The following PDE1C variants were observed in gnomAD, a reference collection of about 807,000 sequenced individuals.
PDE1C encodes phosphodiesterase 1C.
A neutral mutation model predicts 93.1 loss-of-function variants in PDE1C; 62 were observed. The ratio of observed to expected loss-of-function variants is 0.67; its 90% CI spans 0.54 to 0.82. The LOEUF (loss-of-function observed/expected upper bound fraction) is 0.82, where lower values mean the gene tolerates loss of function less well. PDE1C is among the 40% of genes least tolerant of loss of function. The pLI is 0.00. For missense variants in PDE1C, 742 were observed against 884.6 expected (o/e 0.84, Z 2.04); for synonymous variants, 325 against 310.1 (o/e 1.05, Z -0.50).
At chr7:31,640,351 A>G in the PDE1C span, among the ~76,000 whole-genome samples, 2 of 152,122 alleles carry the variant, frequency 1.3e-5, no homozygotes, top group Non-Finnish European at 2.9e-5. Context: ...TGAGCTCATC[A>G]GTACTCAGCT....
chr7:31,768,023 G>T (rs1301422797), intron 17 of PDE1C, among the ~76,000 whole-genome samples: 1 of 152,200 alleles, frequency 6.6e-6, no homozygotes, highest in Non-Finnish European at 1.5e-5. Flanking sequence ...GAAGGTTTTA[G>T]CAAAAGCCTC....
intron 1 of PDE1C, among the ~76,000 whole-genome samples, chr7:32,056,617 G>A (rs971272253): frequency 3.3e-5 from 5 of 152,094 alleles, no homozygotes; most frequent in African/African-American, 1.2e-4. Flanking sequence ...TGATGTGAGA[G>A]TTAAATGTAA....
chr7:32,403,219 C>T lies in PDE1C; in HGVS notation c.310+24603G>A, dbSNP rs114337779. Among the ~76,000 whole-genome samples the T allele has an allele frequency of 2.2e-3, 339 of 152,272 alleles. 2 individuals are homozygous for T. Among genetic ancestry groups the T allele is most frequent in the African/African-American group, 8.0e-3 (332 of 41,546 alleles). ...CAGGGCAACTAAATTAATAAATAGA[C>T]ATTTTTTAAAATCCAAGATGTGAGG... On this transcript the variant is annotated intron_variant, in intron 1 of 1. Coordinates refer to the PDE1C transcript ENST00000672256.
At chr7:31,915,869 G>A (rs1801824313) in intron 2 of PDE1C, among the ~76,000 whole-genome samples, 1 of 152,158 alleles carries the variant, frequency 6.6e-6, no homozygotes. Context: ...AAGTAGACTT[G>A]TATTTTTTTA....
intron 1 of PDE1C, among the ~76,000 whole-genome samples, chr7:32,366,439 C>A (rs1346962017): frequency 6.6e-6 from 1 of 151,746 alleles, no homozygotes; most frequent in East Asian, 1.9e-4. Context: ...ATTAAGTGAA[C>A]AAATATTCAC....
intron 2 of PDE1C, among the ~76,000 whole-genome samples, chr7:31,967,373 A>C (rs1810174532): frequency 6.6e-6 from 1 of 152,192 alleles, no homozygotes; most frequent in South Asian, 2.1e-4. Flanking sequence ...AAATGGATAA[A>C]TTCCTTGACA....
chr7:32,342,582 T>G (rs1783779145), intron 1 of PDE1C, among the ~76,000 whole-genome samples: 1 of 152,226 alleles, frequency 6.6e-6, no homozygotes, highest in East Asian at 1.9e-4. Flanking sequence ...AATCAGGCAT[T>G]ATATAAAATA....
the PDE1C span, among the ~76,000 whole-genome samples, chr7:31,710,178 T>G: frequency 1.3e-5 from 2 of 151,848 alleles, no homozygotes; most frequent in Non-Finnish European, 2.9e-5. Flanking sequence ...GAAAAGAAAT[T>G]AAAAGCATTA....
intron 2 of PDE1C, among the ~76,000 whole-genome samples, chr7:31,967,826 T>C (rs924241639): frequency 2.6e-5 from 4 of 152,210 alleles, no homozygotes; most frequent in Non-Finnish European, 5.9e-5. Flanking sequence ...ATAAACGTAA[T>C]CCAGCATATA....
intron 3 of PDE1C, among the ~76,000 whole-genome samples, chr7:32,149,258 G>A (rs1801093445): frequency 6.6e-6 from 1 of 152,192 alleles, no homozygotes; most frequent in Admixed American, 6.5e-5. Context: ...TAGGGGAAGG[G>A]TCAAAGCAAA....
exon 1 of PDE1C, chr7:32,298,848 G>C: frequency 8.5e-6 from 12 of 1,419,450 alleles, no homozygotes; most frequent in Non-Finnish European, 1.0e-5. Context: ...CGGCCGCGCC[G>C]CGCTGTCACT....
the PDE1C span, among the ~76,000 whole-genome samples, chr7:31,630,233 A>G: frequency 6.0e-5 from 5 of 84,030 alleles, no homozygotes; most frequent in Admixed American, 1.6e-4. Context: ...AAGAAAATAG[A>G]GTCTACTTGG....
chr7:32,327,773 A>G (rs1463724878), intron 1 of PDE1C, among the ~76,000 whole-genome samples: 14 of 146,626 alleles, frequency 9.5e-5, no homozygotes, highest in Admixed American at 7.5e-4. Context: ...CTGTCTCAAA[A>G]AAAAAAAAAA....
chr7:31,794,489 A>G (rs548267880), intron 16 of PDE1C, among the ~76,000 whole-genome samples: 66 of 152,044 alleles, frequency 4.3e-4, no homozygotes, highest in African/African-American at 1.5e-3. Context: ...TTTCTTTCCA[A>G]ACATAAAATA....
At chr7:31,966,745 T>A (rs544845610) in intron 2 of PDE1C, among the ~76,000 whole-genome samples, 22 of 152,284 alleles carry the variant, frequency 1.4e-4, no homozygotes, top group African/African-American at 5.1e-4. Flanking sequence ...AGAACAGAAA[T>A]TATAACAGAC....
intron 1 of PDE1C, among the ~76,000 whole-genome samples, chr7:32,283,947 G>A (rs979217770): frequency 6.6e-6 from 1 of 152,126 alleles, no homozygotes; most frequent in East Asian, 1.9e-4. Context: ...TCAAGTTTTG[G>A]TGCAGTCAGT....
At chr7:32,151,412 A>G (rs972368232) in intron 3 of PDE1C, among the ~76,000 whole-genome samples, 1 of 152,102 alleles carries the variant, frequency 6.6e-6, no homozygotes, top group Non-Finnish European at 1.5e-5. Context: ...TCTCTTCCCA[A>G]CTCCATTCTG....
intron 8 of PDE1C, among the ~76,000 whole-genome samples, chr7:31,848,792 T>C (rs2128796647): frequency 6.6e-6 from 1 of 152,350 alleles, no homozygotes; most frequent in East Asian, 1.9e-4. Flanking sequence ...TAGAGCCCTT[T>C]GGTGGCCAAG....
At chr7:32,152,406 A>G (rs191899281) in intron 3 of PDE1C, among the ~76,000 whole-genome samples, 2 of 152,356 alleles carry the variant, frequency 1.3e-5, no homozygotes, top group African/African-American at 4.8e-5. Flanking sequence ...CCAAAACAGC[A>G]TAGGCATCCT....
Sources: gnomAD v4.1 joint callset for allele counts (sites outside exome capture counted in the v4.1 genomes callset) on GRCh38, gnomAD v4.1.1 for gene constraint, MANE v1.5 for transcripts, NCBI Gene and HGNC (gene_info 2026-07-23, HGNC 2026-07-21) for gene names.